AGAP3: variants seen among roughly 807,000 people sequenced by gnomAD.
The protein encoded by AGAP3 is ArfGAP with GTPase domain, ankyrin repeat and PH domain 3, also known as arf-GAP with GTPase, ANK repeat and PH domain-containing protein 3.
AGAP3 carries 24 observed loss-of-function variants against 96.9 expected under a neutral mutation model. The ratio of observed to expected loss-of-function variants is 0.25; its 90% confidence interval spans 0.18 to 0.35. The LOEUF is 0.35. AGAP3 is among the 10% of genes least tolerant of loss of function. The pLI is 1.00. For missense variants in AGAP3, 876 were observed against 1,254.2 expected, an observed-to-expected ratio of 0.70 and a Z score of 4.55; for synonymous variants, 563 against 536.1, an observed-to-expected ratio of 1.05 and a Z score of -0.69.
At chr7:151,122,702 C>T (rs771393307) in intron 8 of AGAP3, 1 of 1,613,572 alleles carries the variant, frequency 6.2e-7, no homozygotes, top group Non-Finnish European at 8.5e-7. Context: ...TTGCCAAAAT[C>T]TTTATTCTTT....
chr7:151,119,722 C>T (rs1799775610), intron 7 of AGAP3, among the ~76,000 whole-genome samples: 1 of 152,234 alleles, frequency 6.6e-6, no homozygotes, highest in African/African-American at 2.4e-5. Flanking sequence ...GACTTAGCTC[C>T]CTGGTTGGCC....
At chr7:151,126,105 C>T (rs982771840) in intron 9 of AGAP3, among the ~76,000 whole-genome samples, 3 of 144,688 alleles carry the variant, frequency 2.1e-5, no homozygotes, top group African/African-American at 7.3e-5. Flanking sequence ...CCCGCGCCCC[C>T]GGCTAACGAG....
intron 1 of AGAP3, among the ~76,000 whole-genome samples, chr7:151,113,128 G>C (rs1200151772): frequency 1.3e-5 from 2 of 152,230 alleles, no homozygotes; most frequent in Non-Finnish European, 2.9e-5. Flanking sequence ...GCGTGAGAGA[G>C]AGGGCAGATA....
rs1799416761 is a variant in AGAP3, at chr7:151,114,024, TGCA to T, written c.332-2766_332-2764del. On this transcript the variant is annotated intron_variant, in intron 1 of 17. Coordinates refer to ENST00000397238, the MANE Select transcript of AGAP3 (RefSeq NM_031946.7). This position sits in a 1 kb window ranked among gnomAD's most constrained non-coding sequence, Gnocchi z 4.4. ...CAGAAGTGAGTCACTCACCCAGAAC[TGCA>T]GCGGAGGTTATCTTTGACTTCTCTG... Among the ~76,000 whole-genome samples the T allele has an allele frequency of 6.6e-6, 1 of 152,340 alleles. No individual in the cohort carries two copies. Among genetic ancestry groups the T allele is most frequent in the South Asian group, 2.1e-4 (1 of 4,826 alleles).
Position 151,139,694 on chromosome 7 carries a change from G to T in AGAP3, c.1667-285G>T. ...CAGCTCCCCGTGAGTTCCCTGGGCT[G>T]CCTTCCACCCCTCCAGGCTGCAGAG... On this transcript the variant is annotated intron_variant, in intron 12 of 17. Transcript: ENST00000397238. The surrounding 1 kb of genome is among the most constrained non-coding windows in gnomAD (Gnocchi z 4.9). The T allele has an allele frequency of 3.5e-6, 1 of 286,180 alleles. No homozygotes were observed. Among genetic ancestry groups the T allele is most frequent in the Non-Finnish European group, 6.5e-6 (1 of 154,702 alleles). 17.7% of individuals were successfully genotyped at this position (286,180 alleles called of 1,614,324 possible). A position where few individuals can be genotyped will look rare whatever the true frequency, so the allele number is the denominator to read the frequency against.
intron 10 of AGAP3, among the ~76,000 whole-genome samples, chr7:151,130,897 G>A (rs2150514265): frequency 6.6e-6 from 1 of 152,298 alleles, no homozygotes; most frequent in South Asian, 2.1e-4. Context: ...CTTCCAGCCT[G>A]AGCATGCTCT....
At chr7:151,092,904 C>T (rs1489093455) in intron 1 of AGAP3, among the ~76,000 whole-genome samples, 2 of 152,142 alleles carry the variant, frequency 1.3e-5, no homozygotes, top group Non-Finnish European at 2.9e-5. Flanking sequence ...CAGAGTTTAA[C>T]TCTTGGAAGC....
intron 8 of AGAP3, among the ~76,000 whole-genome samples, chr7:151,122,243 A>T (rs1368561666): frequency 1.3e-5 from 2 of 152,136 alleles, no homozygotes; most frequent in Admixed American, 1.3e-4. Context: ...GGAGCCCAGG[A>T]GGGGATGGGG....
rs1357057945 is a variant in AGAP3 at position 151,096,154 on chromosome 7, C to T, written c.331+9082C>T. ...CCCTGAGGATGTGCGTGCTGGGTGG[C>T]GACTGTCTCATTACTTGTCTCAGAG... On this transcript the variant is annotated intron_variant, in intron 1 of 17. Transcript: ENST00000397238. The surrounding 1 kb of genome is among the most constrained non-coding windows in gnomAD (Gnocchi z 4.4). Among the ~76,000 whole-genome samples, 3 of 152,340 alleles carry T rather than the reference C, an allele frequency of 2.0e-5. No homozygotes were observed. Among genetic ancestry groups the T allele is most frequent in the South Asian group, 2.1e-4 (1 of 4,826 alleles).
Position 151,110,453 on chromosome 7 carries a change from C to T in AGAP3, c.332-6340C>T, listed in dbSNP as rs1799233548. 2.0e-5 allele frequency among the ~76,000 whole-genome samples: 3 copies of T among 150,948 alleles called. No homozygotes were observed. In the South Asian group the frequency reaches 6.3e-4, roughly 32 times the overall value. On this transcript the variant is annotated intron_variant, in intron 1 of 17. Coordinates refer to ENST00000397238, the MANE Select transcript of AGAP3 (RefSeq NM_031946.7). ...TGTCAAGGCTGGATGGGGATGGAGG[C>T]GGGTCCTGGGGAGGGTGTCAGGTGA...
In AGAP3 at chr7:151,117,707, C is replaced by T. The variant is rs750165784; in HGVS notation, c.636C>T (p.Tyr212=). 1.2e-6 allele frequency: 2 copies of T among 1,614,068 alleles called. No homozygotes were observed. Among genetic ancestry groups the T allele is most frequent in the East Asian group, 4.5e-5 (2 of 44,892 alleles). ...LEDEISFQTV[Y]NYFLRLCSFR... ...ATGAAATCAGTTTCCAGACGGTGTA[C>T]AACTACTTCCTGCGTCTCTGCAGCT... Residue 212 remains tyrosine, a synonymous_variant, in exon 5 of 18, where the codon TAC becomes TAT. Coordinates refer to ENST00000397238, the MANE Select transcript of AGAP3 (RefSeq NM_031946.7).
intron 1 of AGAP3, among the ~76,000 whole-genome samples, chr7:151,102,695 A>C (rs1016536872): frequency 8.6e-5 from 13 of 151,974 alleles, no homozygotes; most frequent in Non-Finnish European, 1.6e-4. Flanking sequence ...AGCTCACTGC[A>C]ACCTCTGCAT....
chr7:151,114,227 C>G lies in AGAP3; in HGVS notation c.332-2566C>G, dbSNP rs1315787657. 6.6e-6 allele frequency among the ~76,000 whole-genome samples: 1 copy of G among 152,238 alleles called. No homozygotes were observed. Among genetic ancestry groups the G allele is most frequent in the Admixed American group, 6.5e-5 (1 of 15,290 alleles). ...GACAGGACCACCTCGTTGAAGCTCG[C>G]GTGCTGCAGACGAGGACACGCGCGC... On this transcript the variant is annotated intron_variant, in intron 1 of 17. Transcript: ENST00000397238. The surrounding 1 kb of genome is among the most constrained non-coding windows in gnomAD (Gnocchi z 4.4).
Position 151,141,642 on chromosome 7 carries a change from C to G in AGAP3, c.1805-256C>G, listed in dbSNP as rs1010679517. On this transcript the variant is annotated intron_variant, in intron 13 of 17. Transcript: ENST00000397238. This position sits in a 1 kb window ranked among gnomAD's most constrained non-coding sequence, Gnocchi z 4.2. ...CCGGCAGTGCCAGGGGTGCCAAGAT[C>G]TTGCATCCCCCATCTGTTTTCACTT... 2.7e-5 allele frequency: 14 copies of G among 509,104 alleles called. No homozygotes were observed. Among genetic ancestry groups the G allele is most frequent in the Admixed American group, 2.7e-4 (8 of 29,844 alleles). 31.5% of individuals were successfully genotyped at this position (509,104 alleles called of 1,614,324 possible). A position where few individuals can be genotyped will look rare whatever the true frequency, so the allele number is the denominator to read the frequency against.
chr7:151,130,026 C>T (rs961638554), intron 10 of AGAP3, among the ~76,000 whole-genome samples: 1 of 152,216 alleles, frequency 6.6e-6, no homozygotes, highest in Non-Finnish European at 1.5e-5. Context: ...AGGTGTTTCA[C>T]GGCCGACACC....
At chr7:151,110,071 C>T (rs548485836) in intron 1 of AGAP3, among the ~76,000 whole-genome samples, 1 of 152,332 alleles carries the variant, frequency 6.6e-6, no homozygotes, top group South Asian at 2.1e-4. Context: ...TTCTCAACTC[C>T]AGGGTGCGCC....
At position 151,086,927 on chromosome 7, in the gene AGAP3, G is replaced by T. The variant is rs1563407072; in HGVS notation, c.186G>T (p.Ala62=). 2 of 1,593,534 alleles carry T rather than the reference G, an allele frequency of 1.3e-6. No individual in the cohort carries two copies. The highest frequency in any genetic ancestry group is 1.1e-5 in the South Asian group (1 of 89,180). ...QLAGGPPQQF[A]LSNSAAIRAE... ...CCGGCGGGCCCCCCCAGCAGTTCGC[G>T]CTCTCCAACTCCGCGGCCATCCGGG... Residue 62 remains alanine (A), a synonymous_variant, in exon 1 of 18, where the codon GCG becomes GCT. Coordinates refer to ENST00000397238, the MANE Select transcript of AGAP3 (RefSeq NM_031946.7).
intron 11 of AGAP3, 21 bp downstream of exon 11, chr7:151,134,589 G>T (rs1440295052): frequency 1.3e-6 from 2 of 1,579,206 alleles, no homozygotes; most frequent in Admixed American, 3.6e-5. Flanking sequence ...TGCTGAGGTG[G>T]GGGCCTGGGG....
chr7:151,122,635 C>A, intron 8 of AGAP3: 2 of 1,514,348 alleles, frequency 1.3e-6, no homozygotes, highest in Non-Finnish European at 1.8e-6. Context: ...GCTCCCCAGG[C>A]GCCTGGGTCT....
Sources: allele counts gnomAD v4.1 joint callset (sites outside exome capture counted in the v4.1 genomes callset), GRCh38; gene constraint gnomAD v4.1.1; non-coding constraint Gnocchi (gnomAD v3.1); transcripts MANE v1.5; gene names NCBI Gene and HGNC (gene_info 2026-07-23, HGNC 2026-07-21).